The following ENPP6 variants were observed in gnomAD, a reference collection of about 807,000 sequenced individuals.
The protein encoded by ENPP6 is glycerophosphocholine cholinephosphodiesterase ENPP6.
In ENPP6, 32 loss-of-function variants were observed where a neutral mutation model predicts 42.0. The ratio of observed to expected loss-of-function variants is 0.76; its 90% CI spans 0.58 to 1.02. ENPP6 has a LOEUF of 1.02. ENPP6 is among the 50% of genes least tolerant of loss of function. The pLI is 0.00. For missense variants in ENPP6, 552 were observed against 566.8 expected (o/e 0.97, Z 0.27); for synonymous variants, 213 against 216.0 (o/e 0.99, Z 0.12).
At chr4:184,164,847 C>T (rs1230942109) in intron 1 of ENPP6, among the ~76,000 whole-genome samples, 1 of 152,188 alleles carries the variant, frequency 6.6e-6, no homozygotes, top group African/African-American at 2.4e-5. Context: ...ACCAGGTATA[C>T]TGGAGCCAGG....
intron 1 of ENPP6, among the ~76,000 whole-genome samples, chr4:184,162,024 T>C (rs1022578090): frequency 3.3e-5 from 5 of 152,130 alleles, no homozygotes; most frequent in African/African-American, 1.2e-4. Flanking sequence ...CCAAAACCTA[T>C]TGAAATAATA....
intron 6 of ENPP6, among the ~76,000 whole-genome samples, chr4:184,105,605 A>G (rs6831572): frequency 0.42 from 64,552 of 151,984 alleles, 14,092 homozygotes; most frequent in African/African-American, 0.48. Context: ...CACAATGCAG[A>G]GAGAGTGAAT....
chr4:184,202,523 C>G (rs1417449415), intron 1 of ENPP6, among the ~76,000 whole-genome samples: 1 of 152,144 alleles, frequency 6.6e-6, no homozygotes, highest in Non-Finnish European at 1.5e-5. Flanking sequence ...TCTCTGCAAC[C>G]CCCGACCCAC....
chr4:184,126,534 A>G (rs748868402), intron 2 of ENPP6, among the ~76,000 whole-genome samples: 16 of 152,232 alleles, frequency 1.1e-4, no homozygotes, highest in Non-Finnish European at 1.3e-4. Context: ...AAATTCCCCC[A>G]AAGTACACAA....
rs1264690364 is a variant in ENPP6, at chr4:184,097,249, T to C, written c.1113A>G (p.Gly371=). Residue 371 remains glycine (G), a synonymous_variant, in exon 7 of 8, where the codon GGA becomes GGG. Transcript: ENST00000296741. ...MDMRGIFLAF[G]PDFKSNFRAA... is the part of the protein sequence containing the mutation. Reference sequence around the variant, plus strand: ...TCTGGTCATTTCCTCGCCTACCAGGTCCGAAGGCCAGGAAGATGCCCCGCA... The same window carrying C: ...TCTGGTCATTTCCTCGCCTACCAGGCCCGAAGGCCAGGAAGATGCCCCGCA... The C allele has an allele frequency of 6.2e-7, 1 of 1,614,136 alleles. No homozygotes were observed. Among genetic ancestry groups the C allele is most frequent in the Admixed American group, 1.7e-5 (1 of 60,016 alleles).
chr4:184,106,025 C>A (rs377363299), intron 6 of ENPP6, among the ~76,000 whole-genome samples: 63 of 137,192 alleles, frequency 4.6e-4, no homozygotes, highest in Middle Eastern at 7.6e-3. Context: ...AACTTAAGAT[C>A]AAAAATACCA....
chr4:184,193,953 T>G (rs912683493), intron 1 of ENPP6, among the ~76,000 whole-genome samples: 2 of 152,214 alleles, frequency 1.3e-5, no homozygotes, highest in African/African-American at 4.8e-5. Context: ...GCTTTGCCTT[T>G]CCTTGATTGC....
intron 2 of ENPP6, among the ~76,000 whole-genome samples, chr4:184,153,335 G>A (rs1231284327): frequency 6.6e-6 from 1 of 152,000 alleles, no homozygotes; most frequent in Non-Finnish European, 1.5e-5. Context: ...TGTTGGTCAG[G>A]TTGGTCTCGA....
At chr4:184,113,947 C>CTT (rs1178540305) in intron 5 of ENPP6, among the ~76,000 whole-genome samples, 1 of 134,444 alleles carries the variant, frequency 7.4e-6, no homozygotes, top group Non-Finnish European at 1.6e-5. Context: ...TTCTTTCTTT[C>CTT]TTTCTTTCTT....
chr4:184,110,263 C>G (rs1473718396), intron 6 of ENPP6, among the ~76,000 whole-genome samples: 1 of 152,174 alleles, frequency 6.6e-6, no homozygotes. Flanking sequence ...ACCCCCTGGT[C>G]TGCACTTCAG....
At chr4:184,114,770 A>G (rs1285881092) in intron 5 of ENPP6, among the ~76,000 whole-genome samples, 1 of 7,014 alleles carries the variant, frequency 1.4e-4, no homozygotes, top group Non-Finnish European at 0.033. Context: ...TTTCTTGCCA[A>G]AAAAAAAAAA....
chr4:184,201,458 C>T (rs962626018), intron 1 of ENPP6, among the ~76,000 whole-genome samples: 5 of 151,578 alleles, frequency 3.3e-5, no homozygotes, highest in South Asian at 2.1e-4. Flanking sequence ...ACCGCAGTGG[C>T]TCCACGTGGA....
chr4:184,182,680 A>G (rs958983869), intron 1 of ENPP6, among the ~76,000 whole-genome samples: 22 of 152,358 alleles, frequency 1.4e-4, no homozygotes, highest in African/African-American at 5.1e-4. Context: ...GCAACCATAA[A>G]AAAGAATGAG....
rs769489953 is a variant in ENPP6 at position 184,090,194 on chromosome 4, C to CT, written c.*982_*983insA. The stretch of plus-strand genomic sequence containing the variant: ...TAGTGCATCACCTCTCTGAGCAACC[C>CT]ACCGAGATCCTTGCTGATGCCTCCA... On this transcript the variant is annotated 3_prime_UTR_variant, in exon 8 of 8. Coordinates refer to ENST00000296741, the MANE Select transcript of ENPP6 (RefSeq NM_153343.4). The CT allele has an allele frequency of 3.9e-5, 6 of 152,258 alleles. No individual in the cohort carries two copies. Among genetic ancestry groups the CT allele is most frequent in the Non-Finnish European group, 7.3e-5 (5 of 68,100 alleles). 9.4% of individuals were successfully genotyped at this position (152,258 alleles called of 1,614,324 possible).
chr4:184,151,991 G>A (rs1213146413), intron 2 of ENPP6, among the ~76,000 whole-genome samples: 1 of 152,214 alleles, frequency 6.6e-6, no homozygotes, highest in Admixed American at 6.5e-5. Context: ...TGGCTGCTAT[G>A]GAAGGAATCT....
intron 1 of ENPP6, among the ~76,000 whole-genome samples, chr4:184,205,492 G>T (rs1418275520): frequency 6.6e-6 from 1 of 152,246 alleles, no homozygotes; most frequent in Admixed American, 6.5e-5. Context: ...CGAAGAGAAG[G>T]GTGGTGGGAG....
chr4:184,173,075 T>C (rs1737496127), intron 1 of ENPP6, among the ~76,000 whole-genome samples: 1 of 152,058 alleles, frequency 6.6e-6, no homozygotes, highest in Non-Finnish European at 1.5e-5. Context: ...AGCTAATTTT[T>C]TTGTATTTTT....
rs1294669461 is a variant in ENPP6, at chr4:184,210,320, G to C, written c.241+7259C>G. ...TTGGATAAAGAGTCAAGACCCATCA[G>C]TGTGCTGTATTCAGGAAACCCATCT... On this transcript the variant is annotated intron_variant, in intron 1 of 7. Transcript: ENST00000296741. Among the ~76,000 whole-genome samples, 17 of 143,960 alleles carry C rather than the reference G, an allele frequency of 1.2e-4. No homozygotes were observed. The South Asian group carries it at 1.2e-3, about 10-fold the overall frequency. The allele number at this position is 143,960 out of a possible 152,430, so 94.4% of individuals were successfully genotyped here.
intron 1 of ENPP6, among the ~76,000 whole-genome samples, chr4:184,205,400 TG>T (rs1462606390): frequency 6.6e-6 from 1 of 152,156 alleles, no homozygotes; most frequent in Non-Finnish European, 1.5e-5. Flanking sequence ...ATGCCCAGCT[TG>T]GGCCTTTCTG....
Sources: allele counts gnomAD v4.1 joint callset (sites outside exome capture counted in the v4.1 genomes callset), GRCh38; gene constraint gnomAD v4.1.1; transcripts MANE v1.5; gene names NCBI Gene and HGNC (gene_info 2026-07-23, HGNC 2026-07-21).